Variants in HAPLN1 observed in about 807,000 individuals in gnomAD.
The protein encoded by HAPLN1 is Cartilage link protein.
Under a neutral mutation model 36.5 loss-of-function variants are expected in HAPLN1, and 13 were observed. That is an observed-to-expected ratio of 0.36 (90% CI 0.23 to 0.57). The LOEUF is 0.57. Ranked by LOEUF, HAPLN1 falls within the 20% of genes least tolerant of loss-of-function variation. The probability of loss-of-function intolerance (pLI) is 0.83; values close to 1 mark genes in which losing one functional copy is unlikely to be tolerated. For synonymous variants in HAPLN1, 202 were observed against 169.8 expected (o/e 1.19, Z -1.48); for missense variants, 407 against 439.7 (o/e 0.93, Z 0.66).
At chr5:83,666,163 A>G (rs1750544998) in intron 2 of HAPLN1, among the ~76,000 whole-genome samples, 1 of 152,190 alleles carries the variant, frequency 6.6e-6, no homozygotes, top group Non-Finnish European at 1.5e-5. Context: ...GTATTCCAAA[A>G]GACTCTTCCA....
intron 1 of HAPLN1, among the ~76,000 whole-genome samples, chr5:83,695,018 C>T (rs1430811183): frequency 6.6e-6 from 1 of 151,918 alleles, no homozygotes; most frequent in Non-Finnish European, 1.5e-5. Flanking sequence ...AAAATTTTAA[C>T]AAAATTTTAG....
intron 1 of HAPLN1, among the ~76,000 whole-genome samples, chr5:83,676,284 A>C (rs1750859832): frequency 6.6e-6 from 1 of 152,154 alleles, no homozygotes; most frequent in Admixed American, 6.5e-5. Context: ...TCTTTGAAAA[A>C]TTCAAGTATA....
chr5:83,697,839 G>C (rs2112626185), intron 1 of HAPLN1, among the ~76,000 whole-genome samples: 1 of 152,126 alleles, frequency 6.6e-6, no homozygotes, highest in Non-Finnish European at 1.5e-5. Flanking sequence ...ACATCTCTTT[G>C]GGAGAAATGT....
chr5:83,667,349 G>T (rs908280043), intron 2 of HAPLN1, among the ~76,000 whole-genome samples: 11 of 152,000 alleles, frequency 7.2e-5, no homozygotes, highest in African/African-American at 2.7e-4. Flanking sequence ...CTTGTAAATT[G>T]ATAAGAAATT....
intron 1 of HAPLN1, among the ~76,000 whole-genome samples, chr5:83,704,225 C>A (rs1751577967): frequency 6.6e-6 from 1 of 152,054 alleles, no homozygotes; most frequent in Non-Finnish European, 1.5e-5. Flanking sequence ...TTCGTTACCA[C>A]CAGACCTGTC....
intron 1 of HAPLN1, among the ~76,000 whole-genome samples, chr5:83,706,084 T>C: frequency 9.9e-6 from 1 of 101,326 alleles, no homozygotes; most frequent in East Asian, 2.2e-4. Context: ...ATTGAATCAG[T>C]AATAAATAGC....
At chr5:83,667,540 C>G (rs1750586948) in intron 2 of HAPLN1, among the ~76,000 whole-genome samples, 1 of 151,954 alleles carries the variant, frequency 6.6e-6, no homozygotes, top group African/African-American at 2.4e-5. Flanking sequence ...GTAGATTTTG[C>G]TTTGGTGGCT....
At chr5:83,673,587 T>C in intron 1 of HAPLN1, 38 bp from the exon 2 acceptor site, 1 of 1,181,688 alleles carries the variant, frequency 8.5e-7, no homozygotes, top group South Asian at 1.2e-5. Flanking sequence ...TTGTGAGATT[T>C]GGAACCCTTT....
At chr5:83,719,978 A>C (rs914351375) in intron 1 of HAPLN1, among the ~76,000 whole-genome samples, 6 of 152,210 alleles carry the variant, frequency 3.9e-5, no homozygotes, top group African/African-American at 1.2e-4. Flanking sequence ...TCCAGTGATA[A>C]ATGAAAATAA....
At chr5:83,703,656 C>G (rs771056813) in intron 1 of HAPLN1, 3 of 151,700 alleles carry the variant, frequency 2.0e-5, no homozygotes, top group Non-Finnish European at 4.4e-5. Flanking sequence ...GAAAAAAGAA[C>G]GAAGAAGAAT....
chr5:83,665,753 A>T (rs1465037818), intron 2 of HAPLN1, among the ~76,000 whole-genome samples: 1 of 152,200 alleles, frequency 6.6e-6, no homozygotes, highest in Non-Finnish European at 1.5e-5. Context: ...GGTAGAGAGA[A>T]TTCTTATTTA....
chr5:83,710,209 A>C (rs1751746092), intron 1 of HAPLN1, among the ~76,000 whole-genome samples: 2 of 152,166 alleles, frequency 1.3e-5, no homozygotes, highest in Non-Finnish European at 2.9e-5. Flanking sequence ...GAGAATATGT[A>C]GGGTGGGGAC....
chr5:83,645,511 G>A (rs1322124921), intron 3 of HAPLN1, among the ~76,000 whole-genome samples: 1 of 73,300 alleles, frequency 1.4e-5, no homozygotes, highest in African/African-American at 5.8e-5. Flanking sequence ...GCTATCATTA[G>A]TGTTAGTATA....
intron 2 of HAPLN1, among the ~76,000 whole-genome samples, chr5:83,658,706 T>A (rs1750289928): frequency 6.6e-6 from 1 of 152,144 alleles, no homozygotes; most frequent in African/African-American, 2.4e-5. Context: ...CAGAAGAACC[T>A]ATCTTTTGGT....
intron 1 of HAPLN1, among the ~76,000 whole-genome samples, chr5:83,695,644 A>G (rs6888625): frequency 5.1e-4 from 76 of 147,636 alleles, no homozygotes; most frequent in African/African-American, 1.8e-3. Flanking sequence ...AAATATATTT[A>G]TATATAGATA....
chr5:83,662,668 T>G (rs1288945211), intron 2 of HAPLN1, among the ~76,000 whole-genome samples: 2 of 152,202 alleles, frequency 1.3e-5, no homozygotes, highest in Non-Finnish European at 2.9e-5. Flanking sequence ...AACGAAAACA[T>G]TAGCATGAGT....
At chr5:83,657,626 T>A (rs1305076961) in intron 2 of HAPLN1, among the ~76,000 whole-genome samples, 1 of 152,118 alleles carries the variant, frequency 6.6e-6, no homozygotes, top group African/African-American at 2.4e-5. Context: ...ATTTTGAAAG[T>A]GAAGCCCTTG....
chr5:83,709,723 A>C (rs546192983), intron 1 of HAPLN1, among the ~76,000 whole-genome samples: 6 of 152,338 alleles, frequency 3.9e-5, no homozygotes, highest in Admixed American at 3.3e-4. Context: ...TGTCACAGCA[A>C]TGAAAAGACA....
At chr5:83,648,395 CTATATATATATA>C (rs56115447) in intron 3 of HAPLN1, among the ~76,000 whole-genome samples, 2,480 of 60,624 alleles carry the variant, frequency 0.041, 73 homozygotes, top group African/African-American at 0.072. Flanking sequence ...CTATATTTGA[CTATATATATATA>C]TATATATATA....
Sources: allele counts gnomAD v4.1 joint callset (sites outside exome capture counted in the v4.1 genomes callset), GRCh38; gene constraint gnomAD v4.1.1; transcripts MANE v1.5; gene names NCBI Gene and HGNC (gene_info 2026-07-23, HGNC 2026-07-21).